Variants in NHSL1 observed in about 807,000 individuals in gnomAD.
NHSL1 encodes the protein NHS like 1.
In NHSL1, 48 loss-of-function variants were observed where a neutral mutation model predicts 95.0. The ratio of observed to expected loss-of-function variants is 0.51; its 90% confidence interval spans 0.40 to 0.64. The LOEUF (loss-of-function observed/expected upper bound fraction) is 0.64, where lower values mean the gene tolerates loss of function less well. NHSL1 is among the 30% of genes least tolerant of loss of function. The pLI is 0.00. For synonymous variants in NHSL1, 783 were observed against 833.9 expected (o/e 0.94, Z 1.05); for missense variants, 1,971 against 2,077.7 (o/e 0.95, Z 1.00).
At chr6:138,595,785 A>G (rs1483327620) in intron 1 of NHSL1, among the ~76,000 whole-genome samples, 3 of 152,192 alleles carry the variant, frequency 2.0e-5, no homozygotes. Flanking sequence ...TCGGAAACAA[A>G]ACGCTGAGTC....
upstream of NHSL1, chr6:138,545,757 C>T: frequency 8.2e-7 from 1 of 1,216,310 alleles, no homozygotes; most frequent in Non-Finnish European, 1.0e-6. Flanking sequence ...GGGCGGCCAG[C>T]CAGCGCCTGT....
At position 138,431,352 on chromosome 6, in the gene NHSL1, C is replaced by T; in HGVS notation, c.2993G>A (p.Ser998Asn). The T allele has an allele frequency of 1.3e-6, 2 of 1,535,246 alleles. No homozygotes were observed. Among genetic ancestry groups the T allele is most frequent in the Non-Finnish European group, 8.8e-7 (1 of 1,139,760 alleles). The change falls in exon 6 of 8, where the codon AGC becomes AAC. Residue 998 changes from serine to asparagine, a missense_variant. Transcript: ENST00000343505. The surrounding 1 kb of genome is among the most constrained non-coding windows in gnomAD (Gnocchi z 4.0). ...WCLSPPRPAL[S>N]PILPDSPVSL... ...CACAGGTGAATCTGGAAGAATGGGG[C>T]TCAGTGCAGGGCGGGGAGGAGAAAG... is the stretch of plus-strand genomic sequence containing the variant.
chr6:138,642,187 C>T (rs542286570), intron 1 of NHSL1, among the ~76,000 whole-genome samples: 1 of 151,906 alleles, frequency 6.6e-6, no homozygotes, highest in Non-Finnish European at 1.5e-5. Flanking sequence ...CCTAATTCTA[C>T]AAGAATTTGT....
Position 138,518,776 on chromosome 6 carries a change from A to G in NHSL1, c.17-22405T>C, listed in dbSNP as rs145353797. Reference sequence around the variant, plus strand: ...CTCACGCCTGTAATCCCAGCACTTTAGGAGGCCAAGGCCAGCAGATCGCCT... The same window carrying G: ...CTCACGCCTGTAATCCCAGCACTTTGGGAGGCCAAGGCCAGCAGATCGCCT... On this transcript the variant is annotated intron_variant, in intron 1 of 4. Transcript: ENST00000342260. 6.2e-3 allele frequency among the ~76,000 whole-genome samples: 950 copies of G among 152,208 alleles called. 21 individuals are homozygous for G. The highest frequency in any genetic ancestry group is 0.048 in the Admixed American group (735 of 15,280).
intron 3 of NHSL1, among the ~76,000 whole-genome samples, chr6:138,461,606 CTGGT>C (rs1191793041): frequency 1.3e-5 from 2 of 152,076 alleles, no homozygotes; most frequent in African/African-American, 4.8e-5. Flanking sequence ...GTGGAGGTGA[CTGGT>C]AGACTTAACA....
At chr6:138,588,388 G>T (rs950921296) in intron 1 of NHSL1, among the ~76,000 whole-genome samples, 2 of 152,234 alleles carry the variant, frequency 1.3e-5, no homozygotes, top group African/African-American at 4.8e-5. Context: ...CTTGAACCCA[G>T]GAGGCAGAGG....
chr6:138,649,096 T>A (rs1285608322), intron 1 of NHSL1, among the ~76,000 whole-genome samples: 1 of 152,180 alleles, frequency 6.6e-6, no homozygotes, highest in African/African-American at 2.4e-5. Context: ...TACAGGAAAG[T>A]GTATACGCTA....
intron 1 of NHSL1, among the ~76,000 whole-genome samples, chr6:138,614,322 G>A (rs895951179): frequency 3.9e-5 from 6 of 152,190 alleles, no homozygotes; most frequent in South Asian, 2.1e-4. Context: ...GATGACAAAC[G>A]TACACTAAGG....
intron 3 of NHSL1, among the ~76,000 whole-genome samples, chr6:138,468,155 C>G (rs2128241906): frequency 6.6e-6 from 1 of 152,332 alleles, no homozygotes; most frequent in South Asian, 2.1e-4. Context: ...TCACCACACT[C>G]ACTGACTCAC....
At chr6:138,657,758 T>G (rs1455680604) in intron 1 of NHSL1, among the ~76,000 whole-genome samples, 1 of 130,710 alleles carries the variant, frequency 7.7e-6, no homozygotes, top group Non-Finnish European at 1.5e-5. Flanking sequence ...GAGCTTGCAG[T>G]GAGCCGAGAT....
At chr6:138,567,544 T>C (rs752203828) in intron 1 of NHSL1, among the ~76,000 whole-genome samples, 29 of 152,222 alleles carry the variant, frequency 1.9e-4, no homozygotes, top group Non-Finnish European at 3.5e-4. Context: ...TGGTTTTTCA[T>C]GTCATTTTTC....
intron 5 of NHSL1, 32 bp downstream of exon 5, chr6:138,441,951 G>A (rs1776551111): frequency 6.5e-7 from 1 of 1,531,688 alleles, no homozygotes; most frequent in African/African-American, 1.4e-5. Context: ...CAGCAGTGAA[G>A]GGCAACAGAA....
chr6:138,471,135 T>C (rs545092723), intron 3 of NHSL1, among the ~76,000 whole-genome samples: 128 of 151,444 alleles, frequency 8.5e-4, no homozygotes, highest in Middle Eastern at 3.4e-3. Context: ...TACAGAGGAG[T>C]AGAAACTAAT....
intron 1 of NHSL1, among the ~76,000 whole-genome samples, chr6:138,657,541 C>T (rs528169600): frequency 6.6e-6 from 1 of 151,990 alleles, no homozygotes; most frequent in Non-Finnish European, 1.5e-5. Flanking sequence ...AGGCTGGGCG[C>T]GGTGGCTCAT....
chr6:138,490,458 A>G (rs1338320396), intron 2 of NHSL1, among the ~76,000 whole-genome samples: 1 of 152,102 alleles, frequency 6.6e-6, no homozygotes, highest in Non-Finnish European at 1.5e-5. Context: ...TCAAATTCAG[A>G]AGGAGGCCCA....
chr6:138,651,546 A>G (rs992993653), intron 1 of NHSL1, among the ~76,000 whole-genome samples: 1 of 152,238 alleles, frequency 6.6e-6, no homozygotes, highest in Non-Finnish European at 1.5e-5. Flanking sequence ...CTCTTTCCAG[A>G]TGTAGCAGCA....
intron 1 of NHSL1, among the ~76,000 whole-genome samples, chr6:138,610,481 T>C (rs1784495375): frequency 6.6e-6 from 1 of 151,254 alleles, no homozygotes; most frequent in South Asian, 2.1e-4. Context: ...ATGGCACATG[T>C]ATACATATGT....
intron 4 of NHSL1, among the ~76,000 whole-genome samples, chr6:138,442,481 G>A (rs1186035315): frequency 6.6e-6 from 1 of 152,206 alleles, no homozygotes; most frequent in African/African-American, 2.4e-5. Context: ...TGTAGGTGGT[G>A]ATGGTAATGA....
intron 1 of NHSL1, among the ~76,000 whole-genome samples, chr6:138,578,135 G>A (rs1269140678): frequency 6.6e-6 from 1 of 152,174 alleles, no homozygotes; most frequent in Admixed American, 6.5e-5. Flanking sequence ...TGCCTTCAAC[G>A]GAATTAATAG....
Sources: gnomAD v4.1 joint callset for allele counts (sites outside exome capture counted in the v4.1 genomes callset) on GRCh38, gnomAD v4.1.1 for gene constraint, Gnocchi (gnomAD v3.1) non-coding constraint, MANE v1.5 for transcripts, NCBI Gene and HGNC (gene_info 2026-07-23, HGNC 2026-07-21) for gene names.